Variants in LRP1B observed in about 807,000 individuals in gnomAD.
LRP1B encodes low-density lipoprotein receptor-related protein 1B.
A neutral mutation model predicts 556.6 loss-of-function variants in LRP1B; 217 were observed. The ratio of observed to expected loss-of-function variants is 0.39; its 90% CI spans 0.35 to 0.44. LRP1B has a LOEUF of 0.44. Ranked by LOEUF, LRP1B falls within the 20% of genes least tolerant of loss-of-function variation. The pLI is 1.00. For missense variants in LRP1B, 5,053 were observed against 5,620.8 expected (o/e 0.90, Z 3.23); for synonymous variants, 2,047 against 1,865.8 (o/e 1.10, Z -2.50).
At chr2:141,388,042 G>A (rs750192699) in intron 3 of LRP1B, among the ~76,000 whole-genome samples, 1 of 152,156 alleles carries the variant, frequency 6.6e-6, no homozygotes, top group Admixed American at 6.5e-5. Context: ...AATGAAATAT[G>A]TTTTATTAAT....
At chr2:141,797,272 A>G (rs1695856856) in intron 2 of LRP1B, among the ~76,000 whole-genome samples, 1 of 150,170 alleles carries the variant, frequency 6.7e-6, no homozygotes, top group East Asian at 2.0e-4. Context: ...TCAGGCAAAA[A>G]AAAATGTATA....
chr2:140,885,082 C>T (rs1693595030), intron 24 of LRP1B, among the ~76,000 whole-genome samples: 1 of 152,212 alleles, frequency 6.6e-6, no homozygotes, highest in Admixed American at 6.5e-5. Flanking sequence ...ATTGCTACCA[C>T]AGCAGTGCTT....
At chr2:141,544,328 C>CTTTTCTTCTTCTTCTT (rs1177606911) in intron 2 of LRP1B, among the ~76,000 whole-genome samples, 2 of 36,956 alleles carry the variant, frequency 5.4e-5, no homozygotes, top group African/African-American at 1.6e-4. Flanking sequence ...TCTTCTTCTT[C>CTTTTCTTCTTCTTCTT]TTCTTCTTCT....
intron 3 of LRP1B, among the ~76,000 whole-genome samples, chr2:141,421,528 CAAA>C (rs34839214): frequency 1.2e-4 from 16 of 138,264 alleles, no homozygotes; most frequent in Admixed American, 2.1e-4. Context: ...GACTCTGTCT[CAAA>C]AAAAAAAAAA....
intron 18 of LRP1B, among the ~76,000 whole-genome samples, chr2:140,958,848 A>T (rs1274073398): frequency 6.6e-6 from 1 of 151,638 alleles, no homozygotes; most frequent in Non-Finnish European, 1.5e-5. Flanking sequence ...AAAAGTGAGA[A>T]CATTTTAGAA....
intron 1 of LRP1B, among the ~76,000 whole-genome samples, chr2:142,028,607 G>T (rs1264706405): frequency 2.6e-5 from 4 of 151,904 alleles, no homozygotes; most frequent in Non-Finnish European, 1.5e-5. Flanking sequence ...CAGTTTGAGG[G>T]TATTACAAAT....
chr2:141,558,305 G>A (rs1390823206), intron 2 of LRP1B, among the ~76,000 whole-genome samples: 2 of 151,786 alleles, frequency 1.3e-5, no homozygotes, highest in Non-Finnish European at 2.9e-5. Flanking sequence ...AAAGGCTGCT[G>A]GTGGGCATCT....
At chr2:141,698,493 T>C (rs1302310499) in intron 2 of LRP1B, among the ~76,000 whole-genome samples, 1 of 140,070 alleles carries the variant, frequency 7.1e-6, no homozygotes, top group Non-Finnish European at 1.6e-5. Flanking sequence ...GTTGTACACT[T>C]AAAAAAAAAA....
chr2:140,533,986 A>G, intron 47 of LRP1B, 35 bp downstream of exon 47: 1 of 1,610,844 alleles, frequency 6.2e-7, no homozygotes, highest in Non-Finnish European at 8.5e-7. Context: ...CACTTAGCAC[A>G]CCAATATTCT....
At chr2:141,836,316 A>C (rs1434676537) in intron 1 of LRP1B, among the ~76,000 whole-genome samples, 1 of 152,044 alleles carries the variant, frequency 6.6e-6, no homozygotes. Flanking sequence ...ATTTGGAGAT[A>C]CTTACATAGA....
chr2:140,592,373 A>G (rs546461304), intron 43 of LRP1B, among the ~76,000 whole-genome samples: 5 of 152,206 alleles, frequency 3.3e-5, no homozygotes, highest in African/African-American at 7.2e-5. Context: ...TATTCCAGTT[A>G]ATGGTGGAAA....
chr2:141,852,841 C>T (rs1574428554), intron 1 of LRP1B, among the ~76,000 whole-genome samples: 1 of 150,364 alleles, frequency 6.7e-6, no homozygotes, highest in Admixed American at 6.6e-5. Context: ...AAAACCAGTA[C>T]ATATTGTTTT....
chr2:141,946,137 C>T (rs993276672), intron 1 of LRP1B, among the ~76,000 whole-genome samples: 3 of 151,972 alleles, frequency 2.0e-5, no homozygotes, highest in African/African-American at 7.2e-5. Flanking sequence ...TTTTCCTACC[C>T]AATTCTCTTA....
chr2:140,305,154 C>T (rs1684011835), intron 83 of LRP1B, among the ~76,000 whole-genome samples: 1 of 152,066 alleles, frequency 6.6e-6, no homozygotes, highest in Non-Finnish European at 1.5e-5. Context: ...TTTTTGGTTC[C>T]ATATGAACTT....
At chr2:140,923,777 CA>C (rs1694810152) in intron 20 of LRP1B, among the ~76,000 whole-genome samples, 1 of 151,886 alleles carries the variant, frequency 6.6e-6, no homozygotes, top group South Asian at 2.1e-4. Flanking sequence ...TCAAATTTAT[CA>C]ATTAATAATT....
chr2:141,171,489 G>A (rs1371922159), intron 7 of LRP1B, among the ~76,000 whole-genome samples: 2 of 152,050 alleles, frequency 1.3e-5, no homozygotes, highest in Non-Finnish European at 2.9e-5. Flanking sequence ...TCATGGAGCT[G>A]ATACAAACTT....
At chr2:142,029,208 C>A (rs574461399) in intron 1 of LRP1B, among the ~76,000 whole-genome samples, 1 of 151,798 alleles carries the variant, frequency 6.6e-6, no homozygotes, top group South Asian at 2.1e-4. Flanking sequence ...AGGGTAAGAC[C>A]TAGAACCTAA....
intron 4 of LRP1B, among the ~76,000 whole-genome samples, chr2:141,248,729 A>G (rs1684157544): frequency 6.6e-6 from 1 of 152,202 alleles, no homozygotes; most frequent in South Asian, 2.1e-4. Flanking sequence ...GAAAGCATTA[A>G]TTAGATGGGC....
chr2:140,678,543 G>A (rs1260933183), intron 41 of LRP1B, among the ~76,000 whole-genome samples: 2 of 152,094 alleles, frequency 1.3e-5, no homozygotes, highest in Admixed American at 6.5e-5. Context: ...GCAAATGGAT[G>A]TATTCTACAT....
Sources: gnomAD v4.1 joint callset for allele counts (sites outside exome capture counted in the v4.1 genomes callset) on GRCh38, gnomAD v4.1.1 for gene constraint, MANE v1.5 for transcripts, NCBI Gene and HGNC (gene_info 2026-07-23, HGNC 2026-07-21) for gene names.